Variants in ZNF575 observed in about 807,000 individuals in gnomAD.
ZNF575 encodes zinc finger protein 575.
ZNF575 carries 17 observed loss-of-function variants against 17.5 expected under a neutral mutation model. The observed-to-expected ratio is 0.97, with a 90% CI of 0.66 to 1.45. The LOEUF is 1.45. Among genes scored for constraint, ZNF575 ranks in the 40% most tolerant of loss-of-function variants. ZNF575 has a pLI of 0.00. For synonymous variants in ZNF575, 146 were observed against 158.3 expected, an observed-to-expected ratio of 0.92 and a Z score of 0.58; for missense variants, 352 against 359.2, an observed-to-expected ratio of 0.98 and a Z score of 0.16.
chr19:43,534,454 G>A lies in ZNF575; in HGVS notation c.32G>A (p.Gly11Glu). MLERGAESAA[G>E]ATDPSPTGKE... ...GAGCGAGGCGCGGAGTCCGCGGCCG[G>A]GGCTACCGATCCTAGTCCCACTGGC... The change falls in exon 3 of 4, where the codon GGG (glycine) becomes GAG (glutamate). Residue 11 changes from glycine to glutamate, a missense_variant. Gly to Glu is a moderately conservative substitution (Grantham distance 98, BLOSUM62 -2). Transcript: ENST00000314228. 1 of 1,543,952 alleles carries A rather than the reference G, an allele frequency of 6.5e-7. No homozygotes were observed. The highest frequency in any genetic ancestry group is 8.7e-7 in the Non-Finnish European group (1 of 1,145,220).
rs1288268067 is a variant in ZNF575, at chr19:43,535,090, G to C, written c.141G>C (p.Ala47=). 1.3e-6 allele frequency: 2 copies of C among 1,493,674 alleles called. No homozygotes were observed. Among genetic ancestry groups the C allele is most frequent in the South Asian group, 1.3e-5 (1 of 77,560 alleles). 92.5% of individuals were successfully genotyped at this position (1,493,674 alleles called of 1,614,324 possible). The change falls in exon 4 of 4, where the codon GCG becomes GCC. Residue 47 remains alanine, a synonymous_variant. Transcript: ENST00000314228. The part of the protein sequence containing the change: ...SQSAPGPTAS[A]GSPPRPRRRP... ...CAGCTCCAGGGCCCACCGCGTCCGC[G>C]GGCTCGCCTCCCCGGCCTCGCCGGC...
Position 43,534,459 on chromosome 19 carries a change from A to C in ZNF575, c.37A>C (p.Thr13Pro), listed in dbSNP as rs1449550773. Residue 13 changes from threonine to proline, a missense_variant, in exon 3 of 4, where the codon ACC (threonine) becomes CCC (proline). Transcript: ENST00000314228. ...AGGCGCGGAGTCCGCGGCCGGGGCT[A>C]CCGATCCTAGTCCCACTGGCAAGGA... Reference protein sequence around the residue: ...ERGAESAAGATDPSPTGKEPV... With the variant: ...ERGAESAAGAPDPSPTGKEPV... 4.6e-6 allele frequency: 7 copies of C among 1,535,148 alleles called. No individual in the cohort carries two copies. The highest frequency in any genetic ancestry group is 2.0e-5 in the Admixed American group (1 of 49,286).
At chr19:43,534,181 C>T (rs770887333) in intron 2 of ZNF575, 156 bp from the exon 3 acceptor site, 5 of 533,922 alleles carry the variant, frequency 9.4e-6, no homozygotes, top group Non-Finnish European at 1.6e-5. Flanking sequence ...AAGACTCCAA[C>T]CCTGGGTTTA....
In ZNF575 at chr19:43,535,123, G is replaced by T; in HGVS notation, c.174G>T (p.Pro58=). ...GSPPRPRRRP[P]PQRPHRCPDC... ...CTCCCCGGCCTCGCCGGCGGCCCCC[G>T]CCCCAGCGCCCGCACCGCTGCCCCG... The change falls in exon 4 of 4, where the codon CCG becomes CCT. Residue 58 remains proline, a synonymous_variant. Transcript: ENST00000314228. 1.3e-6 allele frequency: 2 copies of T among 1,537,154 alleles called. No individual in the cohort carries two copies.
In ZNF575 at chr19:43,534,513, C is replaced by A; in HGVS notation, c.79+12C>A. On this transcript the variant is annotated intron_variant, in intron 3 of 3. Transcript: ENST00000314228. ...AGTGACCAAAGAAGGTGAGAGTGCC[C>A]CGCCTGTGAGTAGGGAGCATTCTCC... 1 of 1,436,356 alleles carries A rather than the reference C, an allele frequency of 7.0e-7. No individual in the cohort carries two copies. The highest frequency in any genetic ancestry group is 2.8e-5 in the East Asian group (1 of 35,762). The allele number at this position is 1,436,356 out of a possible 1,614,324, so 89.0% of individuals were successfully genotyped here. A position where few individuals can be genotyped will look rare whatever the true frequency, so the allele number is the denominator to read the frequency against.
Position 43,535,255 on chromosome 19 carries a change from CCCCT to C in ZNF575, c.309_312del (p.Lys105TrpfsTer157). ...CAGACTGCCCCAAGGCCTTCTCCTA[CCCCT>C]CCAAGCTGGCAGCCCACCGCCTCAC... On this transcript the variant is annotated frameshift_variant, in exon 4 of 4. Coordinates refer to ENST00000314228, the MANE Select transcript of ZNF575 (RefSeq NM_174945.3). LOFTEE classifies it high-confidence loss of function. The C allele has an allele frequency of 6.2e-7, 1 of 1,612,212 alleles. No homozygotes were observed. The highest frequency in any genetic ancestry group is 8.5e-7 in the Non-Finnish European group (1 of 1,179,354).
Position 43,535,308 on chromosome 19 carries a change from C to A in ZNF575, c.359C>A (p.Pro120Gln), listed in dbSNP as rs1198734395. The part of the protein sequence containing the change: ...RLTHSGARPH[P>Q]CPHCPKSFGH... ...ACGCACAGCGGCGCCCGCCCGCACC[C>A]GTGCCCACACTGCCCGAAGTCCTTT... is the stretch of plus-strand genomic sequence containing the variant. Residue 120 changes from proline (P) to glutamine (Q), a missense_variant, in exon 4 of 4, where the codon CCG (proline) becomes CAG (glutamine). Transcript: ENST00000314228. The A allele has an allele frequency of 1.2e-6, 2 of 1,611,728 alleles. No individual in the cohort carries two copies. The highest frequency in any genetic ancestry group is 4.5e-5 in the East Asian group (2 of 44,814).
In ZNF575 at chr19:43,534,338, C is replaced by A. The variant is rs761917495; in HGVS notation, c.-85C>A. ...AAACAGTGTGATCCCTCATTTTAGGCCCTCCAACCCTATCCCCATCAGCCT... is the reference window on the plus strand; with the variant it reads ...AAACAGTGTGATCCCTCATTTTAGGACCTCCAACCCTATCCCCATCAGCCT... On this transcript the variant is annotated splice_region_variant and 5_prime_UTR_variant, in exon 3 of 4. Coordinates refer to ENST00000314228, the MANE Select transcript of ZNF575 (RefSeq NM_174945.3). 117 of 1,307,024 alleles carry A rather than the reference C, an allele frequency of 9.0e-5. No individual in the cohort carries two copies. Among genetic ancestry groups the A allele is most frequent in the Admixed American group, 4.9e-4 (24 of 48,576 alleles). The allele number at this position is 1,307,024 out of a possible 1,614,324, so 81.0% of individuals were successfully genotyped here.
upstream of ZNF575, among the ~76,000 whole-genome samples, chr19:43,531,415 C>T (rs1282794044): frequency 2.0e-5 from 3 of 152,116 alleles, no homozygotes; most frequent in Non-Finnish European, 4.4e-5. Context: ...AACCCTGTCT[C>T]TACTAAAAAT....
Position 43,535,130 on chromosome 19 carries a change from C to G in ZNF575, c.181C>G (p.Arg61Gly), listed in dbSNP as rs768507012. The G allele has an allele frequency of 3.2e-6, 5 of 1,554,600 alleles. No individual in the cohort carries two copies. Among genetic ancestry groups the G allele is most frequent in the African/African-American group, 2.7e-5 (2 of 73,238 alleles). The change falls in exon 4 of 4, where the codon CGC becomes GGC. Residue 61 changes from arginine (R) to glycine (G), a missense_variant. By Grantham distance (125) the Arg-to-Gly change is moderately radical (BLOSUM62 -2). Transcript: ENST00000314228. Reference sequence around the variant, plus strand: ...GCCTCGCCGGCGGCCCCCGCCCCAGCGCCCGCACCGCTGCCCCGACTGTGA... The same window carrying G: ...GCCTCGCCGGCGGCCCCCGCCCCAGGGCCCGCACCGCTGCCCCGACTGTGA... ...PRPRRRPPPQRPHRCPDCDKA... is the reference protein window; with the variant it reads ...PRPRRRPPPQGPHRCPDCDKA...
At chr19:43,531,977 G>A, upstream of ZNF575, 1 of 370,184 alleles carries the variant, frequency 2.7e-6, no homozygotes, top group Non-Finnish European at 4.9e-6. Context: ...TTTAAGATGG[G>A]GAGGTGTCTC....
upstream of ZNF575, among the ~76,000 whole-genome samples, chr19:43,532,074 G>A (rs979098381): frequency 1.3e-5 from 2 of 151,664 alleles, no homozygotes; most frequent in African/African-American, 4.8e-5. Flanking sequence ...TGTTGCCCAG[G>A]CTGGAGTGCA....
intron 3 of ZNF575, 63 bp downstream of exon 3, chr19:43,534,564 TTCTGGGGGAATC>T: frequency 7.3e-7 from 1 of 1,364,866 alleles, no homozygotes; most frequent in Non-Finnish European, 9.6e-7. Flanking sequence ...AATAATCACA[TTCTGGGGGAATC>T]TCAGGGTGAA....
Position 43,535,853 on chromosome 19 carries a change from T to A in ZNF575, c.*166T>A. 1 of 747,512 alleles carries A rather than the reference T, an allele frequency of 1.3e-6. No individual in the cohort carries two copies. The highest frequency in any genetic ancestry group is 2.1e-6 in the Non-Finnish European group (1 of 472,136). 46.3% of individuals were successfully genotyped at this position (747,512 alleles called of 1,614,324 possible). ...TCGAGCTCAGAAGCCCGAGGAACTCTTTGCTCCCCTGCTTTGGGGAGATCT... is the reference window on the plus strand; with the variant it reads ...TCGAGCTCAGAAGCCCGAGGAACTCATTGCTCCCCTGCTTTGGGGAGATCT... On this transcript the variant is annotated 3_prime_UTR_variant, in exon 4 of 4. Transcript: ENST00000314228.
At position 43,534,409 on chromosome 19, in the gene ZNF575, C is replaced by A; in HGVS notation, c.-14C>A. The stretch of plus-strand genomic sequence containing the variant: ...CCGCCCCGCGCCCTGCCCCTAGGTT[C>A]CTGTGCCAGCAAGATGCTGGAGCGA... On this transcript the variant is annotated 5_prime_UTR_variant, in exon 3 of 4. Transcript: ENST00000314228. 1 of 1,556,862 alleles carries A rather than the reference C, an allele frequency of 6.4e-7. No homozygotes were observed. The highest frequency in any genetic ancestry group is 8.7e-7 in the Non-Finnish European group (1 of 1,152,358).
Position 43,535,914 on chromosome 19 carries a change from T to G in ZNF575, c.*227T>G. 1.7e-6 allele frequency: 1 copy of G among 573,022 alleles called. No homozygotes were observed. The highest frequency in any genetic ancestry group is 3.1e-5 in the Admixed American group (1 of 32,448). 35.5% of individuals were successfully genotyped at this position (573,022 alleles called of 1,614,324 possible). A position where few individuals can be genotyped will look rare whatever the true frequency, so the allele number is the denominator to read the frequency against. Reference sequence around the variant, plus strand: ...ACGTGGAGCTGTGGTTTGACAGCGCTGGCTCTGCTTCTCCCCACACACTTA... The same window carrying G: ...ACGTGGAGCTGTGGTTTGACAGCGCGGGCTCTGCTTCTCCCCACACACTTA... On this transcript the variant is annotated 3_prime_UTR_variant, in exon 4 of 4. Coordinates refer to ENST00000314228, the MANE Select transcript of ZNF575 (RefSeq NM_174945.3).
rs149796259 is a variant in ZNF575 at position 43,535,340 on chromosome 19, C to T, written c.391C>T (p.Arg131Cys). The change falls in exon 4 of 4, where the codon CGC (arginine) becomes TGC (cysteine). Residue 131 changes from arginine (R) to cysteine (C), a missense_variant. Physicochemically the swap from Arg to Cys is radical, Grantham distance 180. Transcript: ENST00000314228. The part of the protein sequence containing the change: ...CPHCPKSFGH[R>C]SKLAAHLWTH... Reference sequence around the variant, plus strand: ...ACACTGCCCGAAGTCCTTTGGCCACCGCTCCAAGCTGGCGGCTCACCTCTG... The same window carrying T: ...ACACTGCCCGAAGTCCTTTGGCCACTGCTCCAAGCTGGCGGCTCACCTCTG... The T allele has an allele frequency of 6.1e-5, 97 of 1,603,180 alleles. No individual in the cohort carries two copies. The African/African-American group carries it at 9.9e-4, about 16-fold the overall frequency.
rs1455196112 is a variant in ZNF575, at chr19:43,535,450, C to T, written c.501C>T (p.His167=). 1.9e-6 allele frequency: 3 copies of T among 1,613,166 alleles called. No individual in the cohort carries two copies. The highest frequency in any genetic ancestry group is 2.5e-6 in the Non-Finnish European group (3 of 1,179,722). ...CYPSKLAAHR[H]THHATDARPY... is the part of the protein sequence containing the mutation. Reference sequence around the variant, plus strand: ...CTTCCAAGCTGGCGGCCCACCGCCACACGCACCACGCCACCGACGCCCGCC... The same window carrying T: ...CTTCCAAGCTGGCGGCCCACCGCCATACGCACCACGCCACCGACGCCCGCC... Residue 167 remains histidine (H), a synonymous_variant, in exon 4 of 4, where the codon CAC becomes CAT. Transcript: ENST00000314228.
intron 3 of ZNF575, 101 bp downstream of exon 3, chr19:43,534,602 G>T (rs1023159352): frequency 3.4e-5 from 39 of 1,154,604 alleles, no homozygotes; most frequent in Non-Finnish European, 4.2e-5. Context: ...GAGGGCCCTA[G>T]GGTGATGACT....
Sources: allele counts gnomAD v4.1 joint callset (sites outside exome capture counted in the v4.1 genomes callset), GRCh38; gene constraint gnomAD v4.1.1; transcripts MANE v1.5; gene names NCBI Gene and HGNC (gene_info 2026-07-23, HGNC 2026-07-21).